Variants in DYM observed in about 807,000 individuals in gnomAD.
DYM encodes the protein dyggve-Melchior-Clausen syndrome protein.
In DYM, 78 loss-of-function variants were observed where a neutral mutation model predicts 93.1. The ratio of observed to expected loss-of-function variants is 0.84; its 90% CI spans 0.70 to 1.01. The LOEUF is 1.01. DYM is among the 50% of genes least tolerant of loss of function. The pLI is 0.00. For missense variants in DYM, 789 were observed against 845.0 expected (o/e 0.93, Z 0.82); for synonymous variants, 321 against 319.7 (o/e 1.00, Z -0.04).
intron 2 of DYM, among the ~76,000 whole-genome samples, chr18:49,421,909 T>C (rs1600128488): frequency 1.3e-5 from 2 of 152,110 alleles, no homozygotes; most frequent in African/African-American, 2.4e-5. Flanking sequence ...GTATCAGTGA[T>C]TGAAGATCAA....
chr18:49,226,806 T>C (rs952611713), intron 13 of DYM, among the ~76,000 whole-genome samples: 2 of 152,074 alleles, frequency 1.3e-5, no homozygotes, highest in African/African-American at 2.4e-5. Context: ...CTCCCACAGA[T>C]GCCAAATTGG....
intron 13 of DYM, among the ~76,000 whole-genome samples, chr18:49,225,528 AAAT>A (rs1189014166): frequency 6.6e-6 from 1 of 152,118 alleles, no homozygotes; most frequent in Non-Finnish European, 1.5e-5. Flanking sequence ...CAGATTTATA[AAAT>A]AATAGAGACT....
At chr18:49,189,967 GA>G (rs1336168363) in intron 14 of DYM, among the ~76,000 whole-genome samples, 1 of 152,172 alleles carries the variant, frequency 6.6e-6, no homozygotes, top group African/African-American at 2.4e-5. Flanking sequence ...AAAAACTAAT[GA>G]AAACAAAAGC....
At chr18:49,280,653 C>T (rs1263171584) in intron 10 of DYM, among the ~76,000 whole-genome samples, 1 of 152,210 alleles carries the variant, frequency 6.6e-6, no homozygotes, top group Non-Finnish European at 1.5e-5. Context: ...GGGAGGCCAC[C>T]TCCACATGAG....
chr18:49,288,622 T>C (rs935266298), intron 8 of DYM, among the ~76,000 whole-genome samples: 1 of 151,702 alleles, frequency 6.6e-6, no homozygotes, highest in Non-Finnish European at 1.5e-5. Context: ...CTACTAAAAA[T>C]ACAAAAATTA....
At chr18:49,076,547 C>T (rs1435240494) in intron 17 of DYM, among the ~76,000 whole-genome samples, 1 of 152,126 alleles carries the variant, frequency 6.6e-6, no homozygotes, top group Non-Finnish European at 1.5e-5. Flanking sequence ...TAAAGTGCTG[C>T]ATGTTCACAT....
At chr18:49,252,469 T>G (rs1415028259) in intron 13 of DYM, among the ~76,000 whole-genome samples, 2 of 152,060 alleles carry the variant, frequency 1.3e-5, no homozygotes, top group African/African-American at 4.8e-5. Context: ...GAGAACAGCA[T>G]GAGGGAAACT....
intron 14 of DYM, among the ~76,000 whole-genome samples, chr18:49,168,743 T>C (rs1446393830): frequency 1.3e-5 from 2 of 152,066 alleles, no homozygotes; most frequent in Admixed American, 1.3e-4. Context: ...GAGAATTCCA[T>C]GGGTCTGAAG....
intron 1 of DYM, among the ~76,000 whole-genome samples, chr18:49,438,880 G>T (rs566567551): frequency 6.6e-5 from 10 of 152,092 alleles, no homozygotes; most frequent in African/African-American, 2.2e-4. Flanking sequence ...AAACACACAC[G>T]CACAATCGTC....
intron 2 of DYM, among the ~76,000 whole-genome samples, chr18:49,396,476 T>C (rs2070107483): frequency 6.6e-6 from 1 of 152,174 alleles, no homozygotes; most frequent in African/African-American, 2.4e-5. Flanking sequence ...TCCAAAATAG[T>C]ACAGTGAGCA....
chr18:49,220,915 T>C (rs528364014), intron 13 of DYM, among the ~76,000 whole-genome samples: 1 of 152,214 alleles, frequency 6.6e-6, no homozygotes, highest in African/African-American at 2.4e-5. Context: ...GGGATCTAAT[T>C]CAACTAAAGA....
Position 49,441,227 on chromosome 18 carries a change from AT to A in DYM, c.-53-10781del, listed in dbSNP as rs1200174961. 1.6e-4 allele frequency among the ~76,000 whole-genome samples: 5 copies of A among 30,346 alleles called. 1 individual carries two copies. Among genetic ancestry groups the A allele is most frequent in the Non-Finnish European group, 2.5e-4 (4 of 16,016 alleles). 19.9% of individuals were successfully genotyped at this position (30,346 alleles called of 152,430 possible). ...TATTATATATATTATATATAATTATATTATATATAATATACATAATATTGTT... is the reference window on the plus strand; with the variant it reads ...TATTATATATATTATATATAATTATATATATATAATATACATAATATTGTT... On this transcript the variant is annotated intron_variant, in intron 1 of 17. Coordinates refer to ENST00000675505, the MANE Select transcript of DYM (RefSeq NM_001353214.3).
At chr18:49,420,194 T>A (rs1402788432) in intron 2 of DYM, among the ~76,000 whole-genome samples, 1 of 137,928 alleles carries the variant, frequency 7.3e-6, no homozygotes, top group Non-Finnish European at 1.5e-5. Flanking sequence ...TGAGATGGAG[T>A]CTTGCTCTTG....
At chr18:49,252,809 C>A (rs1354194683) in intron 13 of DYM, among the ~76,000 whole-genome samples, 1 of 152,188 alleles carries the variant, frequency 6.6e-6, no homozygotes, top group African/African-American at 2.4e-5. Context: ...TAAATGGTAT[C>A]TTTCTAATCT....
chr18:49,432,329 CAAA>C (rs11429840), intron 1 of DYM, among the ~76,000 whole-genome samples: 3 of 75,822 alleles, frequency 4.0e-5, no homozygotes, highest in Middle Eastern at 6.5e-3. Context: ...AAGACTGTCT[CAAA>C]AAAAAAAAAA....
At chr18:49,282,670 CTT>C (rs1019681320) in intron 9 of DYM, among the ~76,000 whole-genome samples, 1 of 152,148 alleles carries the variant, frequency 6.6e-6, no homozygotes, top group Non-Finnish European at 1.5e-5. Flanking sequence ...TATACTTTGA[CTT>C]TGTTACTATT....
intron 3 of DYM, among the ~76,000 whole-genome samples, chr18:49,388,762 A>C (rs2068877466): frequency 6.6e-6 from 1 of 152,068 alleles, no homozygotes; most frequent in Non-Finnish European, 1.5e-5. Flanking sequence ...AATAAGGTTG[A>C]CTGCTTTCTT....
chr18:49,262,473 C>G (rs918266345), intron 11 of DYM, among the ~76,000 whole-genome samples: 5 of 152,286 alleles, frequency 3.3e-5, no homozygotes, highest in Middle Eastern at 3.4e-3. Context: ...CTGTGGTGGT[C>G]AGTTACAGTA....
chr18:49,301,680 A>G (rs1339494934), intron 8 of DYM, among the ~76,000 whole-genome samples: 2 of 152,252 alleles, frequency 1.3e-5, no homozygotes, highest in Non-Finnish European at 2.9e-5. Context: ...CATTTCAACA[A>G]GCAGTTAATA....
Sources: allele counts gnomAD v4.1 joint callset (sites outside exome capture counted in the v4.1 genomes callset), GRCh38; gene constraint gnomAD v4.1.1; transcripts MANE v1.5; gene names NCBI Gene and HGNC (gene_info 2026-07-23, HGNC 2026-07-21).